GALNT9: variants seen among roughly 807,000 people sequenced by gnomAD.
GALNT9 encodes polypeptide N-acetylgalactosaminyltransferase 9.
In GALNT9, 47 loss-of-function variants were observed where a neutral mutation model predicts 63.1. That is an observed-to-expected ratio of 0.75 (90% CI 0.59 to 0.95). The LOEUF is 0.95. Ranked by LOEUF, GALNT9 falls within the 40% of genes least tolerant of loss-of-function variation. GALNT9 has a pLI of 0.00. For synonymous variants in GALNT9, 396 were observed against 365.7 expected, an observed-to-expected ratio of 1.08 and a Z score of -0.94; for missense variants, 829 against 874.8, an observed-to-expected ratio of 0.95 and a Z score of 0.66.
intron 6 of GALNT9, among the ~76,000 whole-genome samples, chr12:132,240,272 G>A (rs1555236781): frequency 2.0e-5 from 3 of 152,114 alleles, no homozygotes; most frequent in Admixed American, 6.5e-5. Flanking sequence ...CGCCGCCATC[G>A]GGCTGGGGGT....
chr12:132,203,418 A>G, intron 7 of GALNT9, 87 bp downstream of exon 7: 1 of 1,291,600 alleles, frequency 7.7e-7, no homozygotes, highest in Non-Finnish European at 1.1e-6. Flanking sequence ...AGGGGGCCCT[A>G]GGGGGCCTCC....
chr12:132,196,434 G>A lies in GALNT9; in HGVS notation c.*673C>T. ...AGGCAAGGGGCTGGGCTGCGGCAGG[G>A]CCCAGGTGCCTGGGAAAGAGGTGGG... On this transcript the variant is annotated 3_prime_UTR_variant, in exon 11 of 11. Transcript: ENST00000328957. 2 of 985,276 alleles carry A rather than the reference G, an allele frequency of 2.0e-6. No homozygotes were observed. The allele number at this position is 985,276 out of a possible 1,614,324, so 61.0% of individuals were successfully genotyped here. A position where few individuals can be genotyped will look rare whatever the true frequency, so the allele number is the denominator to read the frequency against.
intron 4 of GALNT9, 55 bp from the exon 5 acceptor site, chr12:132,257,941 G>A (rs2135541830): frequency 7.9e-7 from 1 of 1,262,324 alleles, no homozygotes; most frequent in East Asian, 2.5e-5. Context: ...ATTCCCTGAG[G>A]AGGGTCCACT....
intron 2 of GALNT9, among the ~76,000 whole-genome samples, chr12:132,268,751 G>A (rs938469423): frequency 6.6e-6 from 1 of 152,172 alleles, no homozygotes; most frequent in Non-Finnish European, 1.5e-5. Flanking sequence ...CACCGAAGAC[G>A]CCCAAGCAGC....
intron 1 of GALNT9, among the ~76,000 whole-genome samples, chr12:132,293,685 C>T (rs1880942956): frequency 6.6e-6 from 1 of 152,238 alleles, no homozygotes; most frequent in African/African-American, 2.4e-5. Flanking sequence ...CAGGGGACCC[C>T]CTGCACATTC....
intron 6 of GALNT9, among the ~76,000 whole-genome samples, chr12:132,216,246 G>T (rs368471444): frequency 1.3e-5 from 2 of 152,208 alleles, no homozygotes; most frequent in Non-Finnish European, 2.9e-5. Flanking sequence ...AGAGAAGACA[G>T]AGATAGAGAT....
chr12:132,257,874 T>G lies in GALNT9; in HGVS notation c.774A>C (p.Ala258=), dbSNP rs897126768. The G allele has an allele frequency of 6.5e-7, 1 of 1,542,656 alleles. No individual in the cohort carries two copies. The change falls in exon 5 of 11, where the codon GCA becomes GCC. Residue 258 remains alanine, a synonymous_variant. Coordinates refer to ENST00000328957, the MANE Select transcript of GALNT9 (RefSeq NM_001122636.2). ...VEFNTGWAEP[A]LSRIREDRRR... ...GCCGGTCCTCTCGGATCCGCGACAG[T>G]GCGGGCTCGGCCCTGCGGAGGCACA...
intron 9 of GALNT9, among the ~76,000 whole-genome samples, chr12:132,198,445 T>C (rs12308452): frequency 3.2e-5 from 4 of 126,578 alleles, no homozygotes; most frequent in East Asian, 2.4e-4. Context: ...GGGCTGGGGC[T>C]GGGCCTGGGC....
chr12:132,199,334 CGCAGCCAGCTCT>C (rs1411076519), intron 8 of GALNT9, 65 bp from the exon 9 acceptor site: 31 of 1,162,132 alleles, frequency 2.7e-5, no homozygotes, highest in African/African-American at 2.0e-4. Context: ...GGGAGCTTCA[CGCAGCCAGCTCT>C]GCAGCCAGCA....
intron 6 of GALNT9, among the ~76,000 whole-genome samples, chr12:132,211,571 C>T (rs140703731): frequency 0.018 from 2,733 of 152,148 alleles, 93 homozygotes; most frequent in African/African-American, 0.063. Flanking sequence ...TACTGTGATC[C>T]GCTCACTCCG....
At chr12:132,320,298 CG>C (rs782289328) in intron 1 of GALNT9, among the ~76,000 whole-genome samples, 2 of 152,206 alleles carry the variant, frequency 1.3e-5, no homozygotes, top group African/African-American at 2.4e-5. Flanking sequence ...CCTCACTTCC[CG>C]GGTTCCGATT....
At chr12:132,300,909 G>C (rs1881271584) in intron 1 of GALNT9, among the ~76,000 whole-genome samples, 1 of 152,254 alleles carries the variant, frequency 6.6e-6, no homozygotes, top group African/African-American at 2.4e-5. Flanking sequence ...CCTTGGAGAG[G>C]GCAGAGCCCC....
intron 1 of GALNT9, among the ~76,000 whole-genome samples, chr12:132,309,905 G>A (rs1007859482): frequency 4.3e-4 from 66 of 152,238 alleles, no homozygotes; most frequent in African/African-American, 1.4e-3. Flanking sequence ...GCAGCAGAAC[G>A]ACAGTTTGCT....
intron 1 of GALNT9, among the ~76,000 whole-genome samples, chr12:132,324,534 G>A (rs1555246379): frequency 1.3e-5 from 2 of 152,248 alleles, no homozygotes; most frequent in African/African-American, 4.8e-5. Context: ...AGTGTGGGCC[G>A]ACTGCCTGTC....
Position 132,329,304 on chromosome 12 carries a change from G to A in GALNT9, c.-101C>T, listed in dbSNP as rs1869195025. 8 of 1,424,398 alleles carry A rather than the reference G, an allele frequency of 5.6e-6. No homozygotes were observed. The highest frequency in any genetic ancestry group is 7.4e-6 in the Non-Finnish European group (8 of 1,081,492). The allele number at this position is 1,424,398 out of a possible 1,614,324, so 88.2% of individuals were successfully genotyped here. On this transcript the variant is annotated 5_prime_UTR_variant, in exon 1 of 11. Coordinates refer to ENST00000328957, the MANE Select transcript of GALNT9 (RefSeq NM_001122636.2). ...CTTCGGGGACCATGAGCCGCCCGGG[G>A]CTGCGGGGGCTGCGGGGCTCGGCCG...
intron 6 of GALNT9, among the ~76,000 whole-genome samples, chr12:132,206,871 C>T (rs867435763): frequency 1.1e-4 from 17 of 152,102 alleles, no homozygotes; most frequent in African/African-American, 3.6e-4. Flanking sequence ...AACCAGCGAG[C>T]CTGGGCAACA....
At chr12:132,305,109 C>T (rs1881533290) in intron 1 of GALNT9, among the ~76,000 whole-genome samples, 1 of 83,966 alleles carries the variant, frequency 1.2e-5, no homozygotes, top group Non-Finnish European at 2.2e-5. Context: ...ACAGCCTCAC[C>T]CAGACACGCC....
intron 4 of GALNT9, among the ~76,000 whole-genome samples, chr12:132,259,030 T>A (rs1246992825): frequency 1.3e-5 from 2 of 152,198 alleles, no homozygotes; most frequent in Non-Finnish European, 2.9e-5. Context: ...CACCCCTTCT[T>A]CCCGTCCTTC....
At chr12:132,306,225 C>G (rs1250869694) in intron 1 of GALNT9, among the ~76,000 whole-genome samples, 1 of 152,248 alleles carries the variant, frequency 6.6e-6, no homozygotes, top group Non-Finnish European at 1.5e-5. Flanking sequence ...TGTGAGGGCG[C>G]CGGCACCTGC....
Sources: gnomAD v4.1 joint callset for allele counts (sites outside exome capture counted in the v4.1 genomes callset) on GRCh38, gnomAD v4.1.1 for gene constraint, MANE v1.5 for transcripts, NCBI Gene and HGNC (gene_info 2026-07-23, HGNC 2026-07-21) for gene names.